Variants in ZFP14 observed in about 807,000 individuals in gnomAD.
ZFP14 encodes zinc finger protein 14 homolog.
ZFP14 carries 22 observed loss-of-function variants against 54.5 expected under a neutral mutation model. That is an observed-to-expected ratio of 0.40 (90% confidence interval 0.29 to 0.58). ZFP14 has a LOEUF of 0.58. Ranked by LOEUF, ZFP14 falls within the 20% of genes least tolerant of loss-of-function variation. ZFP14 has a pLI of 0.39. For missense variants in ZFP14, 470 were observed against 637.8 expected, an observed-to-expected ratio of 0.74 and a Z score of 2.83; for synonymous variants, 159 against 204.0, an observed-to-expected ratio of 0.78 and a Z score of 1.88.
In ZFP14 at chr19:36,365,256, A is replaced by G. The variant is rs10425511; in HGVS notation, c.9+2628T>C. On this transcript the variant is annotated intron_variant, in intron 2 of 4. Coordinates refer to ENST00000270001, the MANE Select transcript of ZFP14 (RefSeq NM_020917.3). ...TTTGCACATTTTCCTCCAATATAGA[A>G]CTATGGGACACAGTGGGTCAGTACA... 3.5e-3 allele frequency among the ~76,000 whole-genome samples: 532 copies of G among 151,090 alleles called. 2 individuals are homozygous for G. The highest frequency in any genetic ancestry group is 0.012 in the African/African-American group (512 of 41,298).
At position 36,337,200 on chromosome 19, in the gene ZFP14, T is replaced by A. The variant is rs553016159; in HGVS notation, c.*3024A>T. On this transcript the variant is annotated 3_prime_UTR_variant, in exon 5 of 5. Coordinates refer to ENST00000270001, the MANE Select transcript of ZFP14 (RefSeq NM_020917.3). ...GCCAACATACTGAATTTAGTTGATATGTCTCTTTAAGTCTCTTTTAATCTG... is the reference window on the plus strand; with the variant it reads ...GCCAACATACTGAATTTAGTTGATAAGTCTCTTTAAGTCTCTTTTAATCTG... 6.6e-6 allele frequency: 1 copy of A among 152,228 alleles called. No individual in the cohort carries two copies. Among genetic ancestry groups the A allele is most frequent in the Non-Finnish European group, 1.5e-5 (1 of 68,040 alleles). The allele number at this position is 152,228 out of a possible 1,614,324, so 9.4% of individuals were successfully genotyped here.
chr19:36,365,656 T>TAA (rs11410571), intron 2 of ZFP14, among the ~76,000 whole-genome samples: 5,060 of 150,532 alleles, frequency 0.034, 108 homozygotes, highest in Middle Eastern at 0.048. Context: ...TTTTTGTTTT[T>TAA]TAAAAAAAAG....
At position 36,336,802 on chromosome 19, in the gene ZFP14, T is replaced by C. The variant is rs1283974448; in HGVS notation, c.*3422A>G. On this transcript the variant is annotated 3_prime_UTR_variant, in exon 5 of 5. Coordinates refer to ENST00000270001, the MANE Select transcript of ZFP14 (RefSeq NM_020917.3). ...CTCACTGTCATTCATTTCTACATAG[T>C]CTATAATTTTGGTTTTGATTTTAAA... 2 of 152,160 alleles carry C rather than the reference T, an allele frequency of 1.3e-5. No homozygotes were observed. Among genetic ancestry groups the C allele is most frequent in the African/African-American group, 2.4e-5 (1 of 41,432 alleles). 9.4% of individuals were successfully genotyped at this position (152,160 alleles called of 1,614,324 possible). A position where few individuals can be genotyped will look rare whatever the true frequency, so the allele number is the denominator to read the frequency against.
At chr19:36,358,974 C>T (rs575202564) in intron 4 of ZFP14, among the ~76,000 whole-genome samples, 1 of 152,284 alleles carries the variant, frequency 6.6e-6, no homozygotes, top group South Asian at 2.1e-4. Context: ...GCATGTTCAG[C>T]CCACTTGCCA....
Position 36,337,030 on chromosome 19 carries a change from T to A in ZFP14, c.*3194A>T, listed in dbSNP as rs1165912619. 1 of 121,606 alleles carries A rather than the reference T, an allele frequency of 8.2e-6. No individual in the cohort carries two copies. The highest frequency in any genetic ancestry group is 2.4e-4 in the East Asian group (1 of 4,132). 7.5% of individuals were successfully genotyped at this position (121,606 alleles called of 1,614,324 possible). A position where few individuals can be genotyped will look rare whatever the true frequency, so the allele number is the denominator to read the frequency against. On this transcript the variant is annotated 3_prime_UTR_variant, in exon 5 of 5. Coordinates refer to ENST00000270001, the MANE Select transcript of ZFP14 (RefSeq NM_020917.3). The stretch of plus-strand genomic sequence containing the variant: ...ATAGTATGTATCTCATATCATACGA[T>A]CTTTTATTTTTTATAATCACACTGA...
At chr19:36,371,051 A>G (rs1175211245) in intron 1 of ZFP14, among the ~76,000 whole-genome samples, 1 of 152,072 alleles carries the variant, frequency 6.6e-6, no homozygotes, top group African/African-American at 2.4e-5. Flanking sequence ...TCACGAGGTC[A>G]GGAGATCGAG....
rs1013401758 is a variant in ZFP14, at chr19:36,339,583, A to G, written c.*641T>C. Reference sequence around the variant, plus strand: ...AGCAAGCAGCCATGTTGATGAGGCTATTGTGGCCAGGAGCTGCAGTCAGCG... The same window carrying G: ...AGCAAGCAGCCATGTTGATGAGGCTGTTGTGGCCAGGAGCTGCAGTCAGCG... On this transcript the variant is annotated 3_prime_UTR_variant, in exon 5 of 5. Coordinates refer to ENST00000270001, the MANE Select transcript of ZFP14 (RefSeq NM_020917.3). 2 of 152,232 alleles carry G rather than the reference A, an allele frequency of 1.3e-5. No individual in the cohort carries two copies. Among genetic ancestry groups the G allele is most frequent in the Non-Finnish European group, 2.9e-5 (2 of 68,052 alleles). The allele number at this position is 152,232 out of a possible 1,614,324, so 9.4% of individuals were successfully genotyped here.
intron 4 of ZFP14, among the ~76,000 whole-genome samples, chr19:36,350,477 T>G (rs560823824): frequency 5.0e-5 from 7 of 141,362 alleles, no homozygotes; most frequent in African/African-American, 1.8e-4. Context: ...GGTGTGCACC[T>G]GTGGTCCAAG....
At chr19:36,367,154 C>CA (rs35169998) in intron 2 of ZFP14, among the ~76,000 whole-genome samples, 126 of 134,438 alleles carry the variant, frequency 9.4e-4, no homozygotes, top group East Asian at 1.6e-3. Context: ...AACTCTGTCT[C>CA]AAAAAAAAAA....
intron 1 of ZFP14, among the ~76,000 whole-genome samples, chr19:36,370,565 A>G (rs1568474396): frequency 6.6e-6 from 1 of 152,260 alleles, no homozygotes; most frequent in East Asian, 1.9e-4. Flanking sequence ...AATCAGGCAC[A>G]TAACAGTATG....
Position 36,338,381 on chromosome 19 carries a change from T to C in ZFP14, c.*1843A>G, listed in dbSNP as rs1434602096. ...AAATGACAATTTTTCCTCTGATTTA[T>C]TGATTTCAAGAATAATGAGTTGGGC... On this transcript the variant is annotated 3_prime_UTR_variant, in exon 5 of 5. Coordinates refer to ENST00000270001, the MANE Select transcript of ZFP14 (RefSeq NM_020917.3). The C allele has an allele frequency of 1.3e-5, 2 of 152,032 alleles. No individual in the cohort carries two copies. The highest frequency in any genetic ancestry group is 2.9e-5 in the Non-Finnish European group (2 of 68,016). The allele number at this position is 152,032 out of a possible 1,614,324, so 9.4% of individuals were successfully genotyped here. A position where few individuals can be genotyped will look rare whatever the true frequency, so the allele number is the denominator to read the frequency against.
intron 2 of ZFP14, among the ~76,000 whole-genome samples, chr19:36,365,311 A>G (rs1332940911): frequency 1.2e-4 from 18 of 151,838 alleles, no homozygotes; most frequent in Non-Finnish European, 1.2e-4. Flanking sequence ...TAGTATTTTA[A>G]TCATCTCTTT....
Position 36,336,624 on chromosome 19 carries a change from C to A in ZFP14, c.*3600G>T, listed in dbSNP as rs1166585979. 1 of 152,220 alleles carries A rather than the reference C, an allele frequency of 6.6e-6. No individual in the cohort carries two copies. The highest frequency in any genetic ancestry group is 2.4e-5 in the African/African-American group (1 of 41,448). 9.4% of individuals were successfully genotyped at this position (152,220 alleles called of 1,614,324 possible). On this transcript the variant is annotated 3_prime_UTR_variant, in exon 5 of 5. Coordinates refer to ENST00000270001, the MANE Select transcript of ZFP14 (RefSeq NM_020917.3). The stretch of plus-strand genomic sequence containing the variant: ...TACTTATTCATTCCCTCAACACATT[C>A]ATCTGTGTGACAGGCCTGGTGTTGC...
chr19:36,340,862 C>T lies in ZFP14; in HGVS notation c.964G>A (p.Val322Ile), dbSNP rs201566504. Residue 322 changes from valine to isoleucine, a missense_variant, in exon 5 of 5, where the codon GTA becomes ATA. Physicochemically the swap from Val to Ile is conservative, Grantham distance 29. Coordinates refer to ENST00000270001, the MANE Select transcript of ZFP14 (RefSeq NM_020917.3). The surrounding 1 kb of genome is among the most constrained non-coding windows in gnomAD (Gnocchi z 5.4). The stretch of plus-strand genomic sequence containing the variant: ...TGTACTCTAAGGTCTGGACCACATA[C>T]GAAGGCTTTCCCACATTCCTTACAT... ...YECKECGKAF[V>I]CGPDLRVHQK... 51 of 1,613,018 alleles carry T rather than the reference C, an allele frequency of 3.2e-5. No homozygotes were observed. The African/African-American group carries it at 4.8e-4, about 15-fold the overall frequency.
intron 4 of ZFP14, among the ~76,000 whole-genome samples, chr19:36,343,560 C>T (rs1019716787): frequency 5.9e-5 from 9 of 152,158 alleles, no homozygotes; most frequent in East Asian, 5.8e-4. Flanking sequence ...ATGCACTTTA[C>T]GCTTGTCTTA....
In ZFP14 at chr19:36,352,045, G is replaced by A. The variant is rs575993711; in HGVS notation, c.235+8390C>T. ...AAAAATACAAAAAAATTAGCGGGGC[G>A]TGGTGGTGAGCGCCTGTAGTCCCAG... On this transcript the variant is annotated intron_variant, in intron 4 of 4. Transcript: ENST00000270001. Among the ~76,000 whole-genome samples the A allele has an allele frequency of 3.5e-5, 5 of 140,992 alleles. No homozygotes were observed. In the South Asian group the frequency reaches 6.8e-4, roughly 19 times the overall value. The allele number at this position is 140,992 out of a possible 152,430, so 92.5% of individuals were successfully genotyped here. A position where few individuals can be genotyped will look rare whatever the true frequency, so the allele number is the denominator to read the frequency against.
At chr19:36,361,386 T>C (rs556834878) in intron 3 of ZFP14, among the ~76,000 whole-genome samples, 7 of 150,474 alleles carry the variant, frequency 4.7e-5, no homozygotes, top group Non-Finnish European at 8.9e-5. Context: ...ATTATAGGCA[T>C]GCGCCACCAT....
chr19:36,340,894 A>C lies in ZFP14; in HGVS notation c.932T>G (p.Leu311Arg). 1 of 1,613,232 alleles carries C rather than the reference A, an allele frequency of 6.2e-7. No individual in the cohort carries two copies. The highest frequency in any genetic ancestry group is 8.5e-7 in the Non-Finnish European group (1 of 1,179,862). Residue 311 changes from leucine to arginine, a missense_variant, in exon 5 of 5, where the codon CTC becomes CGC. Coordinates refer to ENST00000270001, the MANE Select transcript of ZFP14 (RefSeq NM_020917.3). This position sits in a 1 kb window ranked among gnomAD's most constrained non-coding sequence, Gnocchi z 5.4. ...RHQRLHTAEK[L>R]YECKECGKAF... ...TTTCCCACATTCCTTACATTCATAG[A>C]GCTTTTCAGCAGTATGAAGTCTCTG...
intron 4 of ZFP14, among the ~76,000 whole-genome samples, chr19:36,344,962 A>G (rs2031387075): frequency 6.6e-6 from 1 of 152,082 alleles, no homozygotes; most frequent in African/African-American, 2.4e-5. Context: ...TCAATGCTAC[A>G]CTTACTCAAA....
Sources: allele counts gnomAD v4.1 joint callset (sites outside exome capture counted in the v4.1 genomes callset), GRCh38; gene constraint gnomAD v4.1.1; non-coding constraint Gnocchi (gnomAD v3.1); transcripts MANE v1.5; gene names NCBI Gene and HGNC (gene_info 2026-07-23, HGNC 2026-07-21).